The following PCDHGB4 variants were observed in gnomAD, a reference collection of about 807,000 sequenced individuals.
PCDHGB4 encodes protocadherin gamma subfamily B, 4.
In PCDHGB4, 38 loss-of-function variants were observed where a neutral mutation model predicts 60.5. That is an observed-to-expected ratio of 0.63 (90% CI 0.48 to 0.82). The LOEUF is 0.82. Ranked by LOEUF, PCDHGB4 falls within the 40% of genes least tolerant of loss-of-function variation. PCDHGB4 has a pLI of 0.00. For missense variants in PCDHGB4, 1,109 were observed against 1,209.6 expected (o/e 0.92, Z 1.23); for synonymous variants, 456 against 509.7 (o/e 0.89, Z 1.42).
chr5:141,444,524 A>G (rs563709940), intron 1 of PCDHGB4, among the ~76,000 whole-genome samples: 47 of 152,224 alleles, frequency 3.1e-4, no homozygotes, highest in African/African-American at 1.1e-3. Context: ...AGTAGGTGAG[A>G]CAGTGACTGT....
intron 1 of PCDHGB4, chr5:141,422,645 T>C: frequency 6.2e-7 from 1 of 1,612,232 alleles, no homozygotes; most frequent in Non-Finnish European, 8.5e-7. Flanking sequence ...GCCTCCATCT[T>C]CTCAGTGACC....
intron 1 of PCDHGB4, chr5:141,422,699 C>T: frequency 6.2e-7 from 1 of 1,603,420 alleles, no homozygotes; most frequent in Middle Eastern, 1.7e-4. Flanking sequence ...GTCACTTACT[C>T]TCTGACGGAT....
In PCDHGB4 at chr5:141,431,514, C is replaced by T. The variant is rs760416874; in HGVS notation, c.2397+41233C>T. ...CAGCCCGAGTACCGCGCGAGCGTTC[C>T]GGAGAATCTGGCCTTGGGCACGCAG... On this transcript the variant is annotated intron_variant, in intron 1 of 3. Transcript: ENST00000519479. This position sits in a 1 kb window ranked among gnomAD's most constrained non-coding sequence, Gnocchi z 4.8. 3.1e-6 allele frequency: 5 copies of T among 1,614,012 alleles called. No homozygotes were observed. The highest frequency in any genetic ancestry group is 1.1e-5 in the South Asian group (1 of 91,082).
chr5:141,430,715 A>G (rs1210053402), intron 1 of PCDHGB4: 3 of 1,483,264 alleles, frequency 2.0e-6, no homozygotes, highest in East Asian at 4.7e-5. Context: ...TCCTGACTTC[A>G]GTGGTTAAGG....
At chr5:141,492,505 C>A (rs1009723421) in intron 1 of PCDHGB4, among the ~76,000 whole-genome samples, 1 of 152,212 alleles carries the variant, frequency 6.6e-6, no homozygotes, top group Admixed American at 6.5e-5. Context: ...GACTCCGGAG[C>A]CTCCTCTCAC....
intron 1 of PCDHGB4, among the ~76,000 whole-genome samples, chr5:141,470,717 A>G (rs1353989037): frequency 6.6e-6 from 1 of 152,010 alleles, no homozygotes; most frequent in Non-Finnish European, 1.5e-5. Flanking sequence ...TATTTTTTTG[A>G]GTCAGGGTCT....
intron 1 of PCDHGB4, chr5:141,440,169 C>A (rs891186588): frequency 1.3e-5 from 2 of 152,218 alleles, no homozygotes; most frequent in Non-Finnish European, 2.9e-5. Flanking sequence ...TGGGCCATAA[C>A]GCTTTGAAAT....
At chr5:141,452,354 G>C (rs2154563893) in intron 1 of PCDHGB4, among the ~76,000 whole-genome samples, 1 of 152,240 alleles carries the variant, frequency 6.6e-6, no homozygotes, top group Non-Finnish European at 1.5e-5. Flanking sequence ...TTATCCAAAA[G>C]CCTTGCTTCA....
Position 141,387,739 on chromosome 5 carries a change from C to A in PCDHGB4, c.-146C>A, listed in dbSNP as rs182945836. 5.0e-3 allele frequency: 6,618 copies of A among 1,328,550 alleles called. 35 individuals are homozygous for A. Among genetic ancestry groups the A allele is most frequent in the Admixed American group, 0.01 (369 of 36,562 alleles). The allele number at this position is 1,328,550 out of a possible 1,614,324, so 82.3% of individuals were successfully genotyped here. ...AGACTCCCCAGCGCCAGCCTTTACA[C>A]CGCTTCCTCCTCGGAAAAAGAAGAA... On this transcript the variant is annotated 5_prime_UTR_variant, in exon 1 of 4. Transcript: ENST00000519479.
intron 1 of PCDHGB4, chr5:141,418,445 T>C (rs2154547687): frequency 2.5e-6 from 4 of 1,614,038 alleles, no homozygotes; most frequent in East Asian, 2.2e-5. Context: ...AGAATTAGTA[T>C]TGCAGAAGAC....
intron 1 of PCDHGB4, chr5:141,427,870 C>A (rs773176633): frequency 3.2e-6 from 5 of 1,558,750 alleles, no homozygotes; most frequent in Non-Finnish European, 4.4e-6. Context: ...TTCGAGCTCA[C>A]GATGCAGGCC....
intron 3 of PCDHGB4, among the ~76,000 whole-genome samples, chr5:141,510,538 G>A (rs1423013528): frequency 1.3e-5 from 2 of 152,216 alleles, no homozygotes; most frequent in East Asian, 1.9e-4. Context: ...AAATACCAGC[G>A]AATGTGTTTT....
At chr5:141,507,009 C>T (rs988626142) in intron 3 of PCDHGB4, 1 of 152,154 alleles carries the variant, frequency 6.6e-6, no homozygotes, top group South Asian at 2.1e-4. Context: ...ATGAGAGAAC[C>T]GAGAAGGCAC....
intron 1 of PCDHGB4, among the ~76,000 whole-genome samples, chr5:141,458,719 G>A (rs891521416): frequency 5.9e-5 from 9 of 151,684 alleles, no homozygotes; most frequent in Non-Finnish European, 1.2e-4. Context: ...ACAGGTATTC[G>A]CCACCACATC....
chr5:141,420,225 C>G, intron 1 of PCDHGB4: 1 of 1,603,470 alleles, frequency 6.2e-7, no homozygotes. Flanking sequence ...ATGCTACTGG[C>G]TAGCATTTTA....
At chr5:141,438,362 T>C (rs1471364176) in intron 1 of PCDHGB4, among the ~76,000 whole-genome samples, 1 of 151,850 alleles carries the variant, frequency 6.6e-6, no homozygotes, top group East Asian at 1.9e-4. Flanking sequence ...TGTATTGTCA[T>C]TGAGGGCAGA....
Position 141,431,145 on chromosome 5 carries a change from A to G in PCDHGB4, c.2397+40864A>G. The G allele has an allele frequency of 1.2e-6, 2 of 1,614,244 alleles. No homozygotes were observed. Among genetic ancestry groups the G allele is most frequent in the Non-Finnish European group, 1.7e-6 (2 of 1,180,042 alleles). On this transcript the variant is annotated intron_variant, in intron 1 of 3. Transcript: ENST00000519479. The surrounding 1 kb of genome is among the most constrained non-coding windows in gnomAD (Gnocchi z 4.8). ...GTAGAAGTAAGGGACATTAACGACA[A>G]TGCGCCTTACTTTCGTGAAAGTGAA... is the stretch of plus-strand genomic sequence containing the variant.
intron 2 of PCDHGB4, 114 bp from the exon 3 acceptor site, chr5:141,505,279 C>T: frequency 6.5e-7 from 1 of 1,541,274 alleles, no homozygotes; most frequent in Non-Finnish European, 8.7e-7. Context: ...AGAAACAGGT[C>T]TTGGGCATGG....
chr5:141,408,865 A>T (rs765751172), intron 1 of PCDHGB4: 9 of 1,613,684 alleles, frequency 5.6e-6, no homozygotes, highest in Admixed American at 1.7e-5. Flanking sequence ...GGGACCCACC[A>T]AGAAGTGCCA....
Sources: gnomAD v4.1 joint callset for allele counts (sites outside exome capture counted in the v4.1 genomes callset) on GRCh38, gnomAD v4.1.1 for gene constraint, Gnocchi (gnomAD v3.1) non-coding constraint, MANE v1.5 for transcripts, NCBI Gene and HGNC (gene_info 2026-07-23, HGNC 2026-07-21) for gene names.